DIP2B: variants seen among roughly 807,000 people sequenced by gnomAD.
DIP2B encodes disco-interacting protein 2 homolog B.
In DIP2B, 76 loss-of-function variants were observed where a neutral mutation model predicts 198.0. The ratio of observed to expected loss-of-function variants is 0.38; its 90% CI spans 0.32 to 0.46. The LOEUF is 0.46. DIP2B is among the 20% of genes least tolerant of loss of function. DIP2B has a pLI of 0.99. For missense variants in DIP2B, 1,559 were observed against 1,978.4 expected, an observed-to-expected ratio of 0.79 and a Z score of 4.02; for synonymous variants, 701 against 739.1, an observed-to-expected ratio of 0.95 and a Z score of 0.84.
chr12:50,695,858 T>C lies in DIP2B; in HGVS notation c.1824T>C (p.Ala608=). The change falls in exon 16 of 38, where the codon GCT becomes GCC. Residue 608 remains alanine (A), a synonymous_variant. Coordinates refer to ENST00000301180, the MANE Select transcript of DIP2B (RefSeq NM_173602.3). The part of the protein sequence containing the change: ...QRVHAHKAKV[A]LVKCRDLHWA... The stretch of plus-strand genomic sequence containing the variant: ...TTTTTGAATTTATAGCCAAGGTAGC[T>C]TTAGTAAAATGTCGGGACTTGCACT... 10 of 1,614,096 alleles carry C rather than the reference T, an allele frequency of 6.2e-6. No individual in the cohort carries two copies. Among genetic ancestry groups the C allele is most frequent in the Non-Finnish European group, 8.5e-6 (10 of 1,179,928 alleles).
chr12:50,535,976 A>G (rs1593588085), intron 1 of DIP2B, among the ~76,000 whole-genome samples: 1 of 149,980 alleles, frequency 6.7e-6, no homozygotes, highest in Non-Finnish European at 1.5e-5. Context: ...GCGATAGTTT[A>G]CTGAGAATGA....
chr12:50,658,941 G>C lies in DIP2B; in HGVS notation c.302-1253G>C, dbSNP rs150083015. Among the ~76,000 whole-genome samples the C allele has an allele frequency of 7.1e-3, 1,078 of 152,282 alleles. 16 individuals carry two copies. The highest frequency in any genetic ancestry group is 0.025 in the African/African-American group (1,038 of 41,554). ...ACCTCTACTAAAAATGCAAAAATTA[G>C]CTGGGCGTGGTGGCGTGTACCTGTA... On this transcript the variant is annotated intron_variant, in intron 3 of 37. Transcript: ENST00000301180.
At chr12:50,740,027 C>T (rs779158707) in intron 36 of DIP2B, among the ~76,000 whole-genome samples, 8 of 152,194 alleles carry the variant, frequency 5.3e-5, no homozygotes, top group Non-Finnish European at 1.0e-4. Context: ...CAGTGTCTTG[C>T]GTTGGACACA....
chr12:50,689,728 T>C (rs1012577770), intron 12 of DIP2B, among the ~76,000 whole-genome samples: 10 of 151,858 alleles, frequency 6.6e-5, no homozygotes, highest in African/African-American at 2.2e-4. Flanking sequence ...AGAGGCTGGG[T>C]TGAAGATAGA....
intron 1 of DIP2B, among the ~76,000 whole-genome samples, chr12:50,598,368 G>C (rs889693160): frequency 1.3e-5 from 2 of 152,054 alleles, no homozygotes; most frequent in Non-Finnish European, 2.9e-5. Context: ...CTTAACACAA[G>C]TCCTTTTGTT....
At chr12:50,552,306 C>T (rs1300694705) in intron 1 of DIP2B, among the ~76,000 whole-genome samples, 4 of 148,300 alleles carry the variant, frequency 2.7e-5, no homozygotes, top group South Asian at 2.1e-4. Flanking sequence ...CTCACTCTGT[C>T]GCCCAGGCTG....
chr12:50,640,081 C>G (rs1261654654), intron 2 of DIP2B, among the ~76,000 whole-genome samples: 2 of 152,002 alleles, frequency 1.3e-5, no homozygotes, highest in African/African-American at 4.8e-5. Flanking sequence ...TAACGTACAT[C>G]TCGTTAAGTT....
intron 4 of DIP2B, among the ~76,000 whole-genome samples, chr12:50,663,987 C>A (rs914273842): frequency 1.3e-5 from 2 of 151,906 alleles, no homozygotes; most frequent in South Asian, 2.1e-4. Flanking sequence ...TTGTACACTG[C>A]CTGAGATGTT....
rs754681262 is a variant in DIP2B, at chr12:50,708,532, T to C, written c.2619T>C (p.Asp873=). The C allele has an allele frequency of 1.9e-6, 3 of 1,604,002 alleles. No homozygotes were observed. The highest frequency in any genetic ancestry group is 1.7e-5 in the Admixed American group (1 of 58,642). ...AEQRPDASEE[D]SFQWMSRVLQ... ...AAAGACCTGATGCTTCTGAGGAAGA[T>C]AGTTTCCAGTGGATGAGCCGCGTGC... Residue 873 remains aspartate (D), a synonymous_variant, in exon 22 of 38, where the codon GAT becomes GAC. Transcript: ENST00000301180.
chr12:50,604,647 A>G (rs1202561480), intron 1 of DIP2B, among the ~76,000 whole-genome samples: 2 of 152,146 alleles, frequency 1.3e-5, no homozygotes, highest in Non-Finnish European at 2.9e-5. Context: ...TTGTAGAGTC[A>G]GGTTCTAGCT....
chr12:50,717,577 C>T lies in DIP2B; in HGVS notation c.2852-1132C>T, dbSNP rs186854145. ...AGAGACAGGGTTTCACCGCGTTAGC[C>T]GGGATGGTCTCGGTCTCCTGACCTT... On this transcript the variant is annotated intron_variant, in intron 23 of 37. Coordinates refer to ENST00000301180, the MANE Select transcript of DIP2B (RefSeq NM_173602.3). Among the ~76,000 whole-genome samples the T allele has an allele frequency of 4.6e-3, 704 of 151,776 alleles. 9 individuals carry two copies. The highest frequency in any genetic ancestry group is 0.016 in the African/African-American group (660 of 41,410).
chr12:50,602,271 A>G (rs1020387228), intron 1 of DIP2B, among the ~76,000 whole-genome samples: 2 of 152,050 alleles, frequency 1.3e-5, no homozygotes, highest in Non-Finnish European at 2.9e-5. Flanking sequence ...ATCAATATCT[A>G]AATTAATTTT....
intron 4 of DIP2B, among the ~76,000 whole-genome samples, chr12:50,670,609 G>A (rs1938835553): frequency 6.6e-6 from 1 of 151,986 alleles, no homozygotes; most frequent in Admixed American, 6.6e-5. Context: ...TAGAGATGGG[G>A]TTTCACCGTG....
rs980348823 is a variant in DIP2B at position 50,744,962 on chromosome 12, C to T, written c.*123C>T. Reference sequence around the variant, plus strand: ...GATGGCTACATGATATTCTTCATCTCATCCTGTGGGATTCTGCAATCATAA... The same window carrying T: ...GATGGCTACATGATATTCTTCATCTTATCCTGTGGGATTCTGCAATCATAA... On this transcript the variant is annotated 3_prime_UTR_variant, in exon 38 of 38. Transcript: ENST00000301180. 8.3e-7 allele frequency: 1 copy of T among 1,202,610 alleles called. No homozygotes were observed. Among genetic ancestry groups the T allele is most frequent in the Admixed American group, 2.5e-5 (1 of 40,192 alleles). 74.5% of individuals were successfully genotyped at this position (1,202,610 alleles called of 1,614,324 possible).
At chr12:50,515,338 A>G (rs776683373) in intron 1 of DIP2B, among the ~76,000 whole-genome samples, 5 of 150,992 alleles carry the variant, frequency 3.3e-5, no homozygotes, top group Admixed American at 6.6e-5. Context: ...GGTTAAAACA[A>G]TTCTGCCTCA....
intron 12 of DIP2B, 74 bp from the exon 13 acceptor site, chr12:50,690,975 T>A (rs1565872208): frequency 7.5e-7 from 1 of 1,331,968 alleles, no homozygotes; most frequent in African/African-American, 1.5e-5. Context: ...TGGGTTTTGT[T>A]TTTGGATTCT....
intron 1 of DIP2B, among the ~76,000 whole-genome samples, chr12:50,583,108 G>A (rs947597847): frequency 6.6e-6 from 1 of 152,176 alleles, no homozygotes; most frequent in Non-Finnish European, 1.5e-5. Flanking sequence ...CCACAAATGG[G>A]CTTCATTGTT....
intron 1 of DIP2B, among the ~76,000 whole-genome samples, chr12:50,538,633 GTAA>G (rs1441072432): frequency 1.3e-5 from 2 of 149,860 alleles, no homozygotes; most frequent in African/African-American, 2.5e-5. Context: ...GTTTTTTTTT[GTAA>G]TAATATTACT....
intron 1 of DIP2B, among the ~76,000 whole-genome samples, chr12:50,533,203 C>T (rs1197635062): frequency 6.6e-6 from 1 of 152,214 alleles, no homozygotes; most frequent in Non-Finnish European, 1.5e-5. Context: ...AATAAGTTCT[C>T]ATGCTTTGGA....
Sources: gnomAD v4.1 joint callset for allele counts (sites outside exome capture counted in the v4.1 genomes callset) on GRCh38, gnomAD v4.1.1 for gene constraint, MANE v1.5 for transcripts, NCBI Gene and HGNC (gene_info 2026-07-23, HGNC 2026-07-21) for gene names.